ZBTB38: variants seen among roughly 807,000 people sequenced by gnomAD.
ZBTB38 encodes zinc finger and BTB domain-containing protein 38.
Under a neutral mutation model 76.8 loss-of-function variants are expected in ZBTB38, and 20 were observed. The observed-to-expected ratio is 0.26, with a 90% CI of 0.18 to 0.38. The LOEUF is 0.38. Among genes scored for constraint, ZBTB38 ranks in the 10% least tolerant of loss-of-function variants. The pLI is 1.00. For synonymous variants in ZBTB38, 504 were observed against 544.2 expected (o/e 0.93, Z 1.03); for missense variants, 1,082 against 1,482.3 (o/e 0.73, Z 4.43).
At chr3:141,353,799 C>T (rs1229494913) in intron 1 of ZBTB38, among the ~76,000 whole-genome samples, 2 of 152,122 alleles carry the variant, frequency 1.3e-5, no homozygotes, top group East Asian at 3.8e-4. Context: ...TGATGACAGT[C>T]CTGGTTCACT....
chr3:141,338,572 T>G (rs1389045528), intron 1 of ZBTB38, among the ~76,000 whole-genome samples: 1 of 152,132 alleles, frequency 6.6e-6, no homozygotes, highest in Non-Finnish European at 1.5e-5. Context: ...ATTTTCTCAC[T>G]TAGAAGTGGG....
At chr3:141,352,886 A>C (rs1422172923) in intron 1 of ZBTB38, among the ~76,000 whole-genome samples, 1 of 152,050 alleles carries the variant, frequency 6.6e-6, no homozygotes, top group Non-Finnish European at 1.5e-5. Flanking sequence ...AAACCTGAAG[A>C]CACTCGACTG....
At chr3:141,381,153 G>A (rs1209909749) in intron 2 of ZBTB38, among the ~76,000 whole-genome samples, 1 of 152,206 alleles carries the variant, frequency 6.6e-6, no homozygotes, top group African/African-American at 2.4e-5. Context: ...TGATTGGGTA[G>A]TAGGAATGGG....
chr3:141,339,742 G>A (rs191333426), intron 1 of ZBTB38, among the ~76,000 whole-genome samples: 260 of 152,256 alleles, frequency 1.7e-3, no homozygotes, highest in Middle Eastern at 0.017. Flanking sequence ...AGGAGGAGTG[G>A]GGAATCAAGA....
chr3:141,442,797 T>C lies in ZBTB38; in HGVS notation c.409T>C (p.Cys137Arg), dbSNP rs1420506940. ...AAATTCCCCGGGTCCCTATGTATTCTGTATTACTGAAAAGGGAGTGGTTAA... is the reference window on the plus strand; with the variant it reads ...AAATTCCCCGGGTCCCTATGTATTCCGTATTACTGAAAAGGGAGTGGTTAA... ...FSNSPGPYVF[C>R]ITEKGVVKEE... Residue 137 changes from cysteine (C) to arginine (R), a missense_variant, in exon 6 of 6, where the codon TGT (cysteine) becomes CGT (arginine). Cys to Arg is a radical substitution (Grantham distance 180, BLOSUM62 -3). Transcript: ENST00000321464. This position sits in a 1 kb window ranked among gnomAD's most constrained non-coding sequence, Gnocchi z 6.4. 1 of 1,614,026 alleles carries C rather than the reference T, an allele frequency of 6.2e-7. No individual in the cohort carries two copies. The highest frequency in any genetic ancestry group is 8.5e-7 in the Non-Finnish European group (1 of 1,180,034).
At chr3:141,344,447 C>T (rs1417698509) in intron 1 of ZBTB38, among the ~76,000 whole-genome samples, 2 of 152,232 alleles carry the variant, frequency 1.3e-5, no homozygotes, top group Non-Finnish European at 2.9e-5. Flanking sequence ...CAACTCACTA[C>T]AGCCTCAACC....
At chr3:141,433,432 C>T (rs769674777) in intron 5 of ZBTB38, among the ~76,000 whole-genome samples, 15 of 151,466 alleles carry the variant, frequency 9.9e-5, no homozygotes, top group African/African-American at 3.6e-4. Context: ...TTTTGTTTAT[C>T]TGAGTTCTTT....
rs542627369 is a variant in ZBTB38, at chr3:141,428,328, G to T, written c.1-14061G>T. ...TTGTGCCATATAGAACAAGTCACCT[G>T]CTCTGACTTAATTACTGCTGTATGT... is the stretch of plus-strand genomic sequence containing the variant. On this transcript the variant is annotated intron_variant, in intron 5 of 5. Coordinates refer to ENST00000321464, the MANE Select transcript of ZBTB38 (RefSeq NM_001376113.1). Among the ~76,000 whole-genome samples, 130 of 152,276 alleles carry T rather than the reference G, an allele frequency of 8.5e-4. 1 individual carries two copies. The highest frequency in any genetic ancestry group is 3.4e-3 in the Middle Eastern group (1 of 294).
intron 5 of ZBTB38, among the ~76,000 whole-genome samples, chr3:141,424,152 A>G (rs1331726251): frequency 1.3e-5 from 2 of 152,222 alleles, no homozygotes; most frequent in Non-Finnish European, 2.9e-5. Flanking sequence ...ATTTATCTTA[A>G]ACACCTTCCT....
At position 141,444,735 on chromosome 3, in the gene ZBTB38, C is replaced by T; in HGVS notation, c.2347C>T (p.His783Tyr). 1 of 1,614,100 alleles carries T rather than the reference C, an allele frequency of 6.2e-7. No individual in the cohort carries two copies. The highest frequency in any genetic ancestry group is 1.1e-5 in the South Asian group (1 of 91,082). The change falls in exon 6 of 6, where the codon CAT becomes TAT. Residue 783 changes from histidine (H) to tyrosine (Y), a missense_variant. Around this residue, in one of 8 missense-constraint regions of ZBTB38, gnomAD observed 471 missense variants for 581.0 expected, o/e 0.81. Coordinates refer to ENST00000321464, the MANE Select transcript of ZBTB38 (RefSeq NM_001376113.1). This position sits in a 1 kb window ranked among gnomAD's most constrained non-coding sequence, Gnocchi z 5.1. ...SIKEKKKTTS[H>Y]TRGEIPEESN... is the part of the protein sequence containing the mutation. Reference sequence around the variant, plus strand: ...TAAGGAGAAAAAGAAAACTACATCACATACCAGGGGAGAAATACCGGAGGA... The same window carrying T: ...TAAGGAGAAAAAGAAAACTACATCATATACCAGGGGAGAAATACCGGAGGA...
At chr3:141,391,508 TG>T (rs1948861294) in intron 4 of ZBTB38, among the ~76,000 whole-genome samples, 1 of 152,192 alleles carries the variant, frequency 6.6e-6, no homozygotes, top group African/African-American at 2.4e-5. Flanking sequence ...TCCCAGAGTC[TG>T]GTACTCATGG....
intron 2 of ZBTB38, among the ~76,000 whole-genome samples, chr3:141,372,384 C>A (rs1944749567): frequency 2.0e-5 from 3 of 152,136 alleles, no homozygotes. Flanking sequence ...CATGGTGGCT[C>A]ATGCCTATAA....
At chr3:141,354,015 C>A (rs546158840) in intron 1 of ZBTB38, among the ~76,000 whole-genome samples, 197 of 152,208 alleles carry the variant, frequency 1.3e-3, no homozygotes, top group South Asian at 4.2e-4. Flanking sequence ...TCAACTCAGG[C>A]CCTCTTGGTT....
intron 5 of ZBTB38, among the ~76,000 whole-genome samples, chr3:141,411,179 G>A (rs1956494694): frequency 6.6e-6 from 1 of 152,180 alleles, no homozygotes; most frequent in Non-Finnish European, 1.5e-5. Flanking sequence ...ATCTTGCCAG[G>A]CAAGGGAGAC....
At chr3:141,426,606 A>C (rs2076444604) in intron 5 of ZBTB38, among the ~76,000 whole-genome samples, 1 of 152,156 alleles carries the variant, frequency 6.6e-6, no homozygotes, top group Non-Finnish European at 1.5e-5. Context: ...TGGGAAGGGA[A>C]GATGTCACGT....
At chr3:141,329,686 A>C (rs1317944197) in intron 1 of ZBTB38, among the ~76,000 whole-genome samples, 1 of 152,210 alleles carries the variant, frequency 6.6e-6, no homozygotes, top group African/African-American at 2.4e-5. Flanking sequence ...ATCTTGTAAA[A>C]TGGAAGTTTC....
chr3:141,334,424 C>CCTTT (rs1247457953), intron 1 of ZBTB38, among the ~76,000 whole-genome samples: 1 of 127,252 alleles, frequency 7.9e-6, no homozygotes, highest in East Asian at 2.0e-4. Context: ...TTCCTTCCTT[C>CCTTT]CTTCCTTCCT....
chr3:141,394,813 T>G (rs1416105436), intron 4 of ZBTB38, among the ~76,000 whole-genome samples: 2 of 152,232 alleles, frequency 1.3e-5, no homozygotes, highest in Non-Finnish European at 2.9e-5. Context: ...GAATCTGAAC[T>G]ACACGTTTCT....
In ZBTB38 at chr3:141,355,011, T is replaced by C. The variant is rs1943620624; in HGVS notation, c.-738-13610T>C. ...AGATCCTAAGAAGTCATGTTTCCAC[T>C]AAATTAATATATGCACACATTGTTA... On this transcript the variant is annotated intron_variant, in intron 1 of 7. Transcript: ENST00000509842. Among the ~76,000 whole-genome samples the C allele has an allele frequency of 2.6e-5, 4 of 152,172 alleles. No homozygotes were observed. In the South Asian group the frequency reaches 6.2e-4, roughly 24 times the overall value.
Sources: gnomAD v4.1 joint callset for allele counts (sites outside exome capture counted in the v4.1 genomes callset) on GRCh38, gnomAD v4.1.1 for gene constraint, gnomAD v4.1.1 regional missense constraint, Gnocchi (gnomAD v3.1) non-coding constraint, MANE v1.5 for transcripts, NCBI Gene and HGNC (gene_info 2026-07-23, HGNC 2026-07-21) for gene names.